Variants in NPIPB2 observed in about 807,000 individuals in gnomAD.
NPIPB2 encodes nuclear pore complex interacting protein family member B2.
A neutral mutation model predicts 30.8 loss-of-function variants in NPIPB2; 27 were observed. That is an observed-to-expected ratio of 0.88 (90% CI 0.65 to 1.21). The LOEUF (loss-of-function observed/expected upper bound fraction) is 1.21. Ranked by LOEUF, NPIPB2 falls within the 50% of genes most tolerant of loss-of-function variation. The pLI is 0.00. For synonymous variants in NPIPB2, 147 were observed against 162.0 expected (o/e 0.91, Z 0.70); for missense variants, 440 against 446.2 (o/e 0.99, Z 0.13).
intron 1 of NPIPB2, among the ~76,000 whole-genome samples, chr16:11,960,967 A>G (rs1440446003): frequency 2.0e-5 from 3 of 151,198 alleles, no homozygotes; most frequent in Non-Finnish European, 4.4e-5. Flanking sequence ...CCCAGGTTCA[A>G]ACGATCCTCC....
chr16:11,972,413 A>C (rs1271434403), intron 1 of NPIPB2, among the ~76,000 whole-genome samples: 1 of 150,920 alleles, frequency 6.6e-6, no homozygotes, highest in Non-Finnish European at 1.5e-5. Flanking sequence ...GTCTCTACAG[A>C]AAATACAATA....
At chr16:11,965,604 T>C (rs905316596) in intron 1 of NPIPB2, 6 of 817,466 alleles carry the variant, frequency 7.3e-6, no homozygotes, top group African/African-American at 5.2e-5. Flanking sequence ...TTAATGTTTA[T>C]GGAAACAAAG....
chr16:11,947,273 G>T (rs2055020032), intron 1 of NPIPB2, among the ~76,000 whole-genome samples: 1 of 145,826 alleles, frequency 6.9e-6, no homozygotes, highest in South Asian at 2.2e-4. Flanking sequence ...GTGTGTGTGT[G>T]TGTACATAGG....
chr16:11,952,020 G>A (rs1030894365), intron 1 of NPIPB2, among the ~76,000 whole-genome samples: 2 of 151,818 alleles, frequency 1.3e-5, no homozygotes, highest in Non-Finnish European at 2.9e-5. Context: ...TTAGCCGGGC[G>A]TAGTGGCGGG....
At chr16:11,934,144 C>G (rs957635699) in intron 2 of NPIPB2, among the ~76,000 whole-genome samples, 1 of 150,810 alleles carries the variant, frequency 6.6e-6, no homozygotes, top group Non-Finnish European at 1.5e-5. Context: ...GGCAGAGAAC[C>G]GTTTGAAGCT....
intron 1 of NPIPB2, among the ~76,000 whole-genome samples, chr16:11,975,837 C>T (rs968397343): frequency 6.6e-5 from 10 of 151,986 alleles, no homozygotes; most frequent in African/African-American, 2.2e-4. Context: ...GTGATTCACC[C>T]ACCTTGGCCT....
chr16:11,959,964 T>C (rs1278644156), intron 1 of NPIPB2, among the ~76,000 whole-genome samples: 2 of 152,094 alleles, frequency 1.3e-5, no homozygotes, highest in South Asian at 2.1e-4. Context: ...TTTGTAGAGA[T>C]AGGGTTTCCC....
rs551270964 is a variant in NPIPB2, at chr16:11,964,524, C to T, written c.-584+12044G>A. ...CGCCTCCTGGGTTCAAGCACGTCTC[C>T]CTGCCTCAGCCTCCTGAGTAGCTGG... On this transcript the variant is annotated intron_variant, in intron 1 of 5. Coordinates refer to the NPIPB2 transcript ENST00000538896. 2.6e-5 allele frequency among the ~76,000 whole-genome samples: 4 copies of T among 152,126 alleles called. No individual in the cohort carries two copies. In the East Asian group the frequency reaches 7.7e-4, roughly 29 times the overall value.
chr16:11,968,982 T>C (rs2055217801), intron 1 of NPIPB2, among the ~76,000 whole-genome samples: 1 of 151,690 alleles, frequency 6.6e-6, no homozygotes, highest in Non-Finnish European at 1.5e-5. Flanking sequence ...TTCTCTTGCC[T>C]CAGCCTCCCG....
At chr16:11,951,336 C>T (rs2055059518) in intron 1 of NPIPB2, among the ~76,000 whole-genome samples, 1 of 149,916 alleles carries the variant, frequency 6.7e-6, no homozygotes, top group Non-Finnish European at 1.5e-5. Flanking sequence ...TAGTGGCGGG[C>T]ACCTGTAGTC....
At chr16:11,942,305 C>T (rs544690276), upstream of NPIPB2, among the ~76,000 whole-genome samples, 78 of 147,824 alleles carry the variant, frequency 5.3e-4, no homozygotes, top group South Asian at 0.016. Context: ...TTATTATTTG[C>T]TTGGAAATTC....
intron 4 of NPIPB2, among the ~76,000 whole-genome samples, chr16:11,932,228 T>C (rs1417214132): frequency 6.6e-6 from 1 of 152,128 alleles, no homozygotes; most frequent in Admixed American, 6.6e-5. Context: ...TAGGCCTCAA[T>C]TCATTGCTAA....
intron 1 of NPIPB2, among the ~76,000 whole-genome samples, chr16:11,938,777 T>G (rs1262147919): frequency 6.6e-6 from 1 of 151,742 alleles, no homozygotes; most frequent in Non-Finnish European, 1.5e-5. Flanking sequence ...GAGACAAAGT[T>G]TTGCTCTGTC....
At chr16:11,927,830 C>G in exon 8 of NPIPB2, 1 of 1,378,390 alleles carries the variant, frequency 7.3e-7, no homozygotes, top group Non-Finnish European at 9.9e-7. Context: ...GAGGTAGGGC[C>G]AGTAGGGCAA....
At chr16:11,955,868 C>T (rs543856213) in intron 1 of NPIPB2, among the ~76,000 whole-genome samples, 2 of 115,654 alleles carry the variant, frequency 1.7e-5, no homozygotes, top group South Asian at 2.9e-4. Context: ...TCCCACTCCA[C>T]GTATCCCCTC....
intron 1 of NPIPB2, among the ~76,000 whole-genome samples, chr16:11,962,440 C>G (rs1234844211): frequency 6.6e-6 from 1 of 151,324 alleles, no homozygotes; most frequent in Non-Finnish European, 1.5e-5. Context: ...AACCCCATCT[C>G]TACTAAAAAT....
chr16:11,941,055 G>A, intron 1 of NPIPB2: 3 of 1,098,862 alleles, frequency 2.7e-6, no homozygotes, highest in Non-Finnish European at 3.7e-6. Context: ...CAAGTGATCT[G>A]CCCACCTCGG....
intron 1 of NPIPB2, among the ~76,000 whole-genome samples, chr16:11,973,503 T>C (rs1164334656): frequency 6.6e-6 from 1 of 152,198 alleles, no homozygotes; most frequent in Non-Finnish European, 1.5e-5. Flanking sequence ...TTTACTGACT[T>C]GTACCCTGGG....
chr16:11,967,259 CCCA>C, intron 1 of NPIPB2: 1 of 286,960 alleles, frequency 3.5e-6, no homozygotes, highest in Non-Finnish European at 6.6e-6. Context: ...GCCTCAGCTT[CCCA>C]AAGTGCTGGG....
Sources: allele counts gnomAD v4.1 joint callset (sites outside exome capture counted in the v4.1 genomes callset), GRCh38; gene constraint gnomAD v4.1.1; transcripts MANE v1.5; gene names NCBI Gene and HGNC (gene_info 2026-07-23, HGNC 2026-07-21).